PLEKHG4: variants seen among roughly 807,000 people sequenced by gnomAD.
PLEKHG4 encodes pleckstrin homology and RhoGEF domain containing G4.
A neutral mutation model predicts 136.9 loss-of-function variants in PLEKHG4; 85 were observed. The observed-to-expected ratio is 0.62, with a 90% CI of 0.52 to 0.74. The LOEUF (loss-of-function observed/expected upper bound fraction) is 0.74, where lower values mean the gene tolerates loss of function less well. Among genes scored for constraint, PLEKHG4 ranks in the 30% least tolerant of loss-of-function variants. PLEKHG4 has a pLI of 0.00. For missense variants in PLEKHG4, 1,317 were observed against 1,527.8 expected (o/e 0.86, Z 2.30); for synonymous variants, 577 against 646.9 (o/e 0.89, Z 1.64).
intron 11 of PLEKHG4, among the ~76,000 whole-genome samples, chr16:67,283,890 G>A (rs1477620119): frequency 6.6e-6 from 1 of 152,084 alleles, no homozygotes; most frequent in Non-Finnish European, 1.5e-5. Flanking sequence ...CCTAGGTGAG[G>A]GAAGGGGAGC....
At chr16:67,288,038 G>C (rs754265228) in intron 19 of PLEKHG4, 24 bp downstream of exon 19, 2 of 1,564,874 alleles carry the variant, frequency 1.3e-6, no homozygotes, top group South Asian at 1.1e-5. Context: ...TACAGGGTGT[G>C]GGGGTGGGAG....
In PLEKHG4 at chr16:67,279,873, C is replaced by T; in HGVS notation, c.-169-3C>T. ...CACCCTTAACGTTATTCCCTCTTCC[C>T]AGGCCTGAATTGCAGTTCCTGTGCC... On this transcript the variant is annotated splice_region_variant and splice_polypyrimidine_tract_variant and intron_variant, in intron 1 of 21. Transcript: ENST00000379344. The T allele has an allele frequency of 1.5e-6, 1 of 651,046 alleles. No individual in the cohort carries two copies. The highest frequency in any genetic ancestry group is 2.6e-6 in the Non-Finnish European group (1 of 379,510). 40.3% of individuals were successfully genotyped at this position (651,046 alleles called of 1,614,324 possible).
In PLEKHG4 at chr16:67,280,015, C is replaced by G; in HGVS notation, c.-30C>G. On this transcript the variant is annotated 5_prime_UTR_variant, in exon 2 of 22. Transcript: ENST00000379344. This position sits in a 1 kb window ranked among gnomAD's most constrained non-coding sequence, Gnocchi z 4.4. The stretch of plus-strand genomic sequence containing the variant: ...TGAGACCCAGCCCTCTCCCGCTGGC[C>G]CCGAGCAGGCCCACCTTTAGGAGGG... 6.2e-7 allele frequency: 1 copy of G among 1,608,030 alleles called. No homozygotes were observed. The highest frequency in any genetic ancestry group is 8.5e-7 in the Non-Finnish European group (1 of 1,176,936).
chr16:67,284,535 C>T lies in PLEKHG4; in HGVS notation c.1692+78C>T. On this transcript the variant is annotated intron_variant, in intron 12 of 21. Coordinates refer to ENST00000379344, the MANE Select transcript of PLEKHG4 (RefSeq NM_001129729.3). The surrounding 1 kb of genome is among the most constrained non-coding windows in gnomAD (Gnocchi z 4.4). ...AGCCCCAGCTTCAGCAGAGCCTGAG[C>T]TTTTCTTGGTCATGCTGCCTGTTCT... 1.3e-6 allele frequency: 2 copies of T among 1,538,562 alleles called. No individual in the cohort carries two copies. Among genetic ancestry groups the T allele is most frequent in the Non-Finnish European group, 1.8e-6 (2 of 1,117,262 alleles).
In PLEKHG4 at chr16:67,284,485, T is replaced by G. The variant is rs756394958; in HGVS notation, c.1692+28T>G. Reference sequence around the variant, plus strand: ...GGGTGAGAGTCTCCCCAGCTCCAAGTGATCCATGAGGCCGGAGGGATGGCA... The same window carrying G: ...GGGTGAGAGTCTCCCCAGCTCCAAGGGATCCATGAGGCCGGAGGGATGGCA... On this transcript the variant is annotated intron_variant, in intron 12 of 21. Coordinates refer to ENST00000379344, the MANE Select transcript of PLEKHG4 (RefSeq NM_001129729.3). This position sits in a 1 kb window ranked among gnomAD's most constrained non-coding sequence, Gnocchi z 4.4. 1 of 1,610,422 alleles carries G rather than the reference T, an allele frequency of 6.2e-7. No individual in the cohort carries two copies. The highest frequency in any genetic ancestry group is 1.3e-5 in the African/African-American group (1 of 74,816).
At position 67,281,743 on chromosome 16, in the gene PLEKHG4, A is replaced by C. The variant is rs751995102; in HGVS notation, c.911A>C (p.Gln304Pro). 7 of 1,614,006 alleles carry C rather than the reference A, an allele frequency of 4.3e-6. No individual in the cohort carries two copies. The Admixed American group carries it at 1.2e-4, about 27-fold the overall frequency. The change falls in exon 7 of 22, where the codon CAG (glutamine) becomes CCG (proline). Residue 304 changes from glutamine to proline, a missense_variant. Physicochemically the swap from Gln to Pro is moderately conservative, Grantham distance 76. Coordinates refer to ENST00000379344, the MANE Select transcript of PLEKHG4 (RefSeq NM_001129729.3). ...CTGTAGCTGGAGCAGTTGCCTTCTCAGAGCCTGCTGACCCACATCCCAACG... is the reference window on the plus strand; with the variant it reads ...CTGTAGCTGGAGCAGTTGCCTTCTCCGAGCCTGCTGACCCACATCCCAACG... ...SGLQLEQLPS[Q>P]SLLTHIPTAG...
At chr16:67,287,396 GCTCT>G (rs961165444) in intron 18 of PLEKHG4, among the ~76,000 whole-genome samples, 1 of 152,102 alleles carries the variant, frequency 6.6e-6, no homozygotes, top group African/African-American at 2.4e-5. Context: ...GGGCATCATG[GCTCT>G]CTCTCTCTTT....
chr16:67,286,625 G>A lies in PLEKHG4; in HGVS notation c.2713G>A (p.Gly905Arg), dbSNP rs780323705. 13 of 1,564,652 alleles carry A rather than the reference G, an allele frequency of 8.3e-6. No individual in the cohort carries two copies. Among genetic ancestry groups the A allele is most frequent in the African/African-American group, 6.8e-5 (5 of 73,580 alleles). The change falls in exon 16 of 22, where the codon GGA becomes AGA. Residue 905 changes from glycine to arginine, a missense_variant. Coordinates refer to ENST00000379344, the MANE Select transcript of PLEKHG4 (RefSeq NM_001129729.3). ...CCTTGTGCACTTCCAGCTGCGGCAC[G>A]GAAACGACCTGCTGGCCATGGACGC... is the stretch of plus-strand genomic sequence containing the variant. ...QSLVHFQLRH[G>R]NDLLAMDAIQ...
Position 67,284,056 on chromosome 16 carries a change from G to A in PLEKHG4, c.1510-219G>A, listed in dbSNP as rs1347355054. Among the ~76,000 whole-genome samples, 3 of 152,128 alleles carry A rather than the reference G, an allele frequency of 2.0e-5. No individual in the cohort carries two copies. Among genetic ancestry groups the A allele is most frequent in the Non-Finnish European group, 2.9e-5 (2 of 68,018 alleles). On this transcript the variant is annotated intron_variant, in intron 11 of 21. Coordinates refer to ENST00000379344, the MANE Select transcript of PLEKHG4 (RefSeq NM_001129729.3). This position sits in a 1 kb window ranked among gnomAD's most constrained non-coding sequence, Gnocchi z 4.4. Reference sequence around the variant, plus strand: ...CAGAGTGGAGCTGGAGAGGGCTGGTGCGGAGGGCGAGACGAGACGGTGAGG... The same window carrying A: ...CAGAGTGGAGCTGGAGAGGGCTGGTACGGAGGGCGAGACGAGACGGTGAGG...
At chr16:67,281,534 T>G in intron 5 of PLEKHG4, 33 bp from the exon 6 acceptor site, 1 of 1,575,848 alleles carries the variant, frequency 6.3e-7, no homozygotes, top group Non-Finnish European at 8.7e-7. Context: ...TTCTGTAGAG[T>G]TGGGGATAGT....
At chr16:67,287,673 G>A (rs568237058) in intron 18 of PLEKHG4, 44 of 609,400 alleles carry the variant, frequency 7.2e-5, no homozygotes, top group Middle Eastern at 8.3e-4. Flanking sequence ...GATTACAGGC[G>A]TGAGCCACTG....
Position 67,285,318 on chromosome 16 carries a change from G to T in PLEKHG4, c.2224G>T (p.Ala742Ser), listed in dbSNP as rs774897554. Residue 742 changes from alanine to serine, a missense_variant, in exon 14 of 22, where the codon GCC becomes TCC. Transcript: ENST00000379344. Reference protein sequence around the residue: ...RLQLVLAEMVATEREYVRALE... With the variant: ...RLQLVLAEMVSTEREYVRALE... ...ACAGCTGGTGCTGGCAGAGATGGTGGCCACGGAGCGGGAGTATGTCCGGGC... is the reference window on the plus strand; with the variant it reads ...ACAGCTGGTGCTGGCAGAGATGGTGTCCACGGAGCGGGAGTATGTCCGGGC... The T allele has an allele frequency of 1.5e-5, 25 of 1,614,022 alleles. No individual in the cohort carries two copies. The highest frequency in any genetic ancestry group is 2.0e-5 in the Non-Finnish European group (24 of 1,180,038).
At position 67,284,463 on chromosome 16, in the gene PLEKHG4, TGA is replaced by T. The variant is rs754518250; in HGVS notation, c.1692+10_1692+11del. The T allele has an allele frequency of 2.5e-6, 4 of 1,612,060 alleles. No individual in the cohort carries two copies. The highest frequency in any genetic ancestry group is 1.7e-6 in the Non-Finnish European group (2 of 1,178,904). ...TGTTTCAGCTCTTCAGGGAGGTGGG[TGA>T]GAGTCTCCCCAGCTCCAAGTGATCC... is the stretch of plus-strand genomic sequence containing the variant. On this transcript the variant is annotated splice_region_variant and intron_variant, in intron 12 of 21. Coordinates refer to ENST00000379344, the MANE Select transcript of PLEKHG4 (RefSeq NM_001129729.3). The surrounding 1 kb of genome is among the most constrained non-coding windows in gnomAD (Gnocchi z 4.4).
Position 67,286,567 on chromosome 16 carries a change from G to A in PLEKHG4, c.2655G>A (p.Thr885=), listed in dbSNP as rs369460889. 60 of 1,563,282 alleles carry A rather than the reference G, an allele frequency of 3.8e-5. 1 individual carries two copies. In the Middle Eastern group the frequency reaches 6.6e-4, roughly 17 times the overall value. ...QELARACGGP[T]QELSALREAQ... is the part of the protein sequence containing the mutation. ...TGGCACGGGCCTGCGGGGGCCCCACGCAGGAGCTCAGTGCGCTGCGGGAGG... is the reference window on the plus strand; with the variant it reads ...TGGCACGGGCCTGCGGGGGCCCCACACAGGAGCTCAGTGCGCTGCGGGAGG... Residue 885 remains threonine, a synonymous_variant, in exon 16 of 22, where the codon ACG becomes ACA. Coordinates refer to ENST00000379344, the MANE Select transcript of PLEKHG4 (RefSeq NM_001129729.3).
At position 67,280,963 on chromosome 16, in the gene PLEKHG4, A is replaced by G. The variant is rs1481478989; in HGVS notation, c.677A>G (p.Gln226Arg). ...TGGCTTCAGTCTGAGTGCAGCAGCC[A>G]GGAACTCATCCGCCTCCTGCTGTAC... ...PAWLQSECSS[Q>R]ELIRLLLYLR... The change falls in exon 4 of 22, where the codon CAG (glutamine) becomes CGG (arginine). Residue 226 changes from glutamine to arginine, a missense_variant. Transcript: ENST00000379344. This position sits in a 1 kb window ranked among gnomAD's most constrained non-coding sequence, Gnocchi z 4.4. The G allele has an allele frequency of 1.2e-6, 2 of 1,613,634 alleles. No individual in the cohort carries two copies. The highest frequency in any genetic ancestry group is 2.2e-5 in the East Asian group (1 of 44,898).
In PLEKHG4 at chr16:67,288,250, G is replaced by C. The variant is rs149175189; in HGVS notation, c.3304G>C (p.Asp1102His). ...YLGASNSLPG[D>H]PASCSVLGSL... is the part of the protein sequence containing the mutation. ...GGGGGCCTCGAACTCCCTTCCTGGA[G>C]ACCCTGCCTCTTGCTCTGTTCTGGG... The change falls in exon 20 of 22, where the codon GAC (aspartate) becomes CAC (histidine). Residue 1102 changes from aspartate to histidine, a missense_variant. Transcript: ENST00000379344. 9.5e-5 allele frequency: 153 copies of C among 1,613,836 alleles called. No homozygotes were observed. The African/African-American group carries it at 1.8e-3, about 19-fold the overall frequency.
rs781319591 is a variant in PLEKHG4 at position 67,288,522 on chromosome 16, C to T, written c.3488C>T (p.Pro1163Leu). 2 of 1,613,890 alleles carry T rather than the reference C, an allele frequency of 1.2e-6. No homozygotes were observed. The highest frequency in any genetic ancestry group is 1.3e-5 in the African/African-American group (1 of 74,938). ...AEDSEISSQC[P>L]SASGSSGSDS... ...GACTCAGAGATCTCGTCCCAATGCCCATCAGCCAGTGGCTCCAGTGGCTCT... is the reference window on the plus strand; with the variant it reads ...GACTCAGAGATCTCGTCCCAATGCCTATCAGCCAGTGGCTCCAGTGGCTCT... The change falls in exon 21 of 22, where the codon CCA (proline) becomes CTA (leucine). Residue 1163 changes from proline (P) to leucine (L), a missense_variant. Coordinates refer to ENST00000379344, the MANE Select transcript of PLEKHG4 (RefSeq NM_001129729.3).
Position 67,281,791 on chromosome 16 carries a change from G to A in PLEKHG4, c.959G>A (p.Gly320Glu), listed in dbSNP as rs1417642944. 1.2e-6 allele frequency: 2 copies of A among 1,613,650 alleles called. No homozygotes were observed. The highest frequency in any genetic ancestry group is 2.7e-5 in the African/African-American group (2 of 74,946). The change falls in exon 7 of 22, where the codon GGA becomes GAA. Residue 320 changes from glycine to glutamate, a missense_variant. Gly to Glu is a moderately conservative substitution (Grantham distance 98, BLOSUM62 -2). Coordinates refer to ENST00000379344, the MANE Select transcript of PLEKHG4 (RefSeq NM_001129729.3). The part of the protein sequence containing the change: ...IPTAGLPTSL[G>E]GGLPYCHQAW... The stretch of plus-strand genomic sequence containing the variant: ...ACGGCGGGGCTGCCCACTTCGCTAG[G>A]AGGAGGCCTGCCTTACTGCCACCAG...
In PLEKHG4 at chr16:67,288,011, C is replaced by A; in HGVS notation, c.3217C>A (p.Arg1073=). The A allele has an allele frequency of 1.8e-5, 29 of 1,607,492 alleles. No individual in the cohort carries two copies. The highest frequency in any genetic ancestry group is 2.4e-5 in the Non-Finnish European group (28 of 1,174,146). Residue 1073 remains arginine, a synonymous_variant, in exon 19 of 22, where the codon CGA becomes AGA. Coordinates refer to ENST00000379344, the MANE Select transcript of PLEKHG4 (RefSeq NM_001129729.3). The stretch of plus-strand genomic sequence containing the variant: ...CACCGTCAACTATGTCCTGAAGTGC[C>A]GAGGTAGCAGGCAGGCTACAGGGTG... ...DRTVNYVLKC[R]EVRSRASIAV...
Sources: allele counts gnomAD v4.1 joint callset (sites outside exome capture counted in the v4.1 genomes callset), GRCh38; gene constraint gnomAD v4.1.1; non-coding constraint Gnocchi (gnomAD v3.1); transcripts MANE v1.5; gene names NCBI Gene and HGNC (gene_info 2026-07-23, HGNC 2026-07-21).